Variants in CAMTA1 observed in about 807,000 individuals in gnomAD.
CAMTA1 encodes the protein calmodulin-binding transcription activator 1.
CAMTA1 carries 27 observed loss-of-function variants against 170.9 expected under a neutral mutation model. The observed-to-expected ratio is 0.16, with a 90% CI of 0.12 to 0.22. The LOEUF is 0.22. Ranked by LOEUF, CAMTA1 falls within the 10% of genes least tolerant of loss-of-function variation. CAMTA1 has a pLI of 1.00. For synonymous variants in CAMTA1, 833 were observed against 891.5 expected (o/e 0.93, Z 1.17); for missense variants, 1,619 against 2,217.2 (o/e 0.73, Z 5.42).
At chr1:7,089,126 T>TAACG (rs1454425145) in intron 3 of CAMTA1, among the ~76,000 whole-genome samples, 1 of 152,162 alleles carries the variant, frequency 6.6e-6, no homozygotes, top group African/African-American at 2.4e-5. Context: ...GTAGATCTTA[T>TAACG]AACGATTCAT....
chr1:6,807,105 A>G (rs1367138042), intron 1 of CAMTA1: 1 of 589,142 alleles, frequency 1.7e-6, no homozygotes, highest in Non-Finnish European at 3.1e-6. Context: ...GCAATATGTC[A>G]TAAAGGGATT....
At chr1:7,241,645 G>A (rs935639008) in intron 4 of CAMTA1, among the ~76,000 whole-genome samples, 1 of 152,154 alleles carries the variant, frequency 6.6e-6, no homozygotes, top group Non-Finnish European at 1.5e-5. Flanking sequence ...ATATGTTTAT[G>A]GTCAATTTAT....
At chr1:7,604,557 T>A (rs2095471337) in intron 6 of CAMTA1, among the ~76,000 whole-genome samples, 1 of 152,238 alleles carries the variant, frequency 6.6e-6, no homozygotes, top group South Asian at 2.1e-4. Flanking sequence ...TTCTCTGTAT[T>A]GGTTATTCTA....
intron 4 of CAMTA1, among the ~76,000 whole-genome samples, chr1:7,191,789 C>A (rs1654575000): frequency 6.6e-6 from 1 of 152,106 alleles, no homozygotes; most frequent in South Asian, 2.1e-4. Context: ...GTTTGCAGTC[C>A]CCAGGAATAA....
intron 6 of CAMTA1, among the ~76,000 whole-genome samples, chr1:7,499,010 ATG>A (rs1431105617): frequency 2.3e-5 from 1 of 42,972 alleles, no homozygotes; most frequent in Admixed American, 2.4e-4. Flanking sequence ...GTGTGTGTGC[ATG>A]TGTGTCCATG....
chr1:6,982,670 C>T (rs1694639361), intron 3 of CAMTA1, among the ~76,000 whole-genome samples: 1 of 152,216 alleles, frequency 6.6e-6, no homozygotes, highest in African/African-American at 2.4e-5. Flanking sequence ...CTCCCTGTCC[C>T]CACGCAGTTG....
rs1157904992 is a variant in CAMTA1 at position 7,310,651 on chromosome 1, CTTT to C, written c.438+61026_438+61028del. Among the ~76,000 whole-genome samples the C allele has an allele frequency of 2.9e-3, 135 of 46,096 alleles. 3 individuals carry two copies. Among genetic ancestry groups the C allele is most frequent in the African/African-American group, 7.1e-3 (60 of 8,428 alleles). 30.2% of individuals were successfully genotyped at this position (46,096 alleles called of 152,430 possible). A position where few individuals can be genotyped will look rare whatever the true frequency, so the allele number is the denominator to read the frequency against. ...TTCTTTCTTTCTTTCTTTCTTTTTT[CTTT>C]CTTTCTTTCTTTCTTTCCTTTCTTT... is the stretch of plus-strand genomic sequence containing the variant. On this transcript the variant is annotated intron_variant, in intron 5 of 22. Transcript: ENST00000303635.
chr1:6,979,646 A>G (rs1271810010), intron 3 of CAMTA1, among the ~76,000 whole-genome samples: 1 of 152,200 alleles, frequency 6.6e-6, no homozygotes, highest in Non-Finnish European at 1.5e-5. Context: ...GACCATTACC[A>G]TCTCCCTAAA....
intron 3 of CAMTA1, among the ~76,000 whole-genome samples, chr1:6,968,862 T>C (rs1692037436): frequency 1.3e-5 from 2 of 151,978 alleles, no homozygotes; most frequent in African/African-American, 4.8e-5. Context: ...ATGCGGGATG[T>C]GACTAGGGAG....
At chr1:6,904,143 C>A (rs956344322) in intron 3 of CAMTA1, among the ~76,000 whole-genome samples, 1 of 152,238 alleles carries the variant, frequency 6.6e-6, no homozygotes, top group Non-Finnish European at 1.5e-5. Flanking sequence ...CTTTCCTTCA[C>A]CACAGAAATC....
intron 1 of CAMTA1, among the ~76,000 whole-genome samples, chr1:6,787,193 A>G (rs753015754): frequency 3.9e-5 from 6 of 152,202 alleles, no homozygotes; most frequent in African/African-American, 7.2e-5. Flanking sequence ...CTCAAATTGT[A>G]TTCATGTTGG....
intron 10 of CAMTA1, among the ~76,000 whole-genome samples, 189 bp downstream of exon 10, chr1:7,671,226 A>G (rs1053349319): frequency 6.6e-6 from 1 of 152,214 alleles, no homozygotes; most frequent in Non-Finnish European, 1.5e-5. Flanking sequence ...GGGACCTAAT[A>G]TAGGACAGGG....
rs1663404921 is a variant in CAMTA1 at position 7,234,312 on chromosome 1, A to G, written c.303-15179A>G. 6.6e-6 allele frequency among the ~76,000 whole-genome samples: 1 copy of G among 152,084 alleles called. No homozygotes were observed. The highest frequency in any genetic ancestry group is 1.5e-5 in the Non-Finnish European group (1 of 68,018). On this transcript the variant is annotated intron_variant, in intron 4 of 22. Transcript: ENST00000303635. The surrounding 1 kb of genome is among the most constrained non-coding windows in gnomAD (Gnocchi z 5.0). ...CTTGCCTTCGCCTCCGCTTCCACCC[A>G]GATGCTGCGTCCTGGGAGAGGCCTC...
At chr1:7,305,655 A>G (rs917863707) in intron 5 of CAMTA1, among the ~76,000 whole-genome samples, 1 of 152,082 alleles carries the variant, frequency 6.6e-6, no homozygotes, top group African/African-American at 2.4e-5. Flanking sequence ...TGGATATATA[A>G]GTTTGGGATG....
At chr1:7,002,266 C>G (rs1183120025) in intron 3 of CAMTA1, among the ~76,000 whole-genome samples, 4 of 152,234 alleles carry the variant, frequency 2.6e-5, no homozygotes, top group East Asian at 1.9e-4. Context: ...ATGTTTTGAA[C>G]CGAGGTGCAG....
At chr1:7,337,970 A>G (rs553559962) in intron 5 of CAMTA1, among the ~76,000 whole-genome samples, 3 of 145,408 alleles carry the variant, frequency 2.1e-5, no homozygotes, top group East Asian at 1.9e-4. Context: ...ATGTATATAT[A>G]TATGTATTAT....
At chr1:7,282,252 G>A (rs151062196) in intron 5 of CAMTA1, among the ~76,000 whole-genome samples, 3 of 152,166 alleles carry the variant, frequency 2.0e-5, no homozygotes, top group Admixed American at 6.5e-5. Context: ...CACCTGTGTC[G>A]CCTGACATGG....
At chr1:7,256,484 C>A (rs923540037) in intron 5 of CAMTA1, among the ~76,000 whole-genome samples, 1 of 152,168 alleles carries the variant, frequency 6.6e-6, no homozygotes, top group African/African-American at 2.4e-5. Context: ...GGCGTGAACC[C>A]GGGAGGCGCA....
At chr1:6,942,732 G>A (rs1251499441) in intron 3 of CAMTA1, among the ~76,000 whole-genome samples, 1 of 152,242 alleles carries the variant, frequency 6.6e-6, no homozygotes, top group Admixed American at 6.5e-5. Flanking sequence ...AGCTGAGCCA[G>A]TTGGGAGGAG....
Sources: gnomAD v4.1 joint callset for allele counts (sites outside exome capture counted in the v4.1 genomes callset) on GRCh38, gnomAD v4.1.1 for gene constraint, Gnocchi (gnomAD v3.1) non-coding constraint, MANE v1.5 for transcripts, NCBI Gene and HGNC (gene_info 2026-07-23, HGNC 2026-07-21) for gene names.